The following FJX1 variants were observed in gnomAD, a reference collection of about 807,000 sequenced individuals.
FJX1 encodes four-jointed box kinase 1.
A neutral mutation model predicts 28.7 loss-of-function variants in FJX1; 21 were observed. That is an observed-to-expected ratio of 0.73 (90% CI 0.52 to 1.05). The LOEUF is 1.05. Ranked by LOEUF, FJX1 falls within the 50% of genes least tolerant of loss-of-function variation. The pLI, the probability that FJX1 is intolerant of heterozygous loss-of-function variation, is 0.00. For synonymous variants in FJX1, 363 were observed against 310.0 expected, an observed-to-expected ratio of 1.17 and a Z score of -1.80; for missense variants, 683 against 647.2, an observed-to-expected ratio of 1.06 and a Z score of -0.60.
Position 35,618,858 on chromosome 11 carries a change from C to A in FJX1, c.222C>A (p.Gly74=), listed in dbSNP as rs1590455410. The change falls in exon 1 of 1, where the codon GGC becomes GGA. Residue 74 remains glycine, a synonymous_variant. Transcript: ENST00000317811. The surrounding 1 kb of genome is among the most constrained non-coding windows in gnomAD (Gnocchi z 4.2). Reference sequence around the variant, plus strand: ...CGCCCCTGGCGTGGGACGCCCGCGGCGGCTCCCTGAAAACTTTCCGGGCGC... The same window carrying A: ...CGCCCCTGGCGTGGGACGCCCGCGGAGGCTCCCTGAAAACTTTCCGGGCGC... The part of the protein sequence containing the change: ...LPPPLAWDAR[G]GSLKTFRALL... 1.5e-6 allele frequency: 2 copies of A among 1,353,864 alleles called. No homozygotes were observed. The highest frequency in any genetic ancestry group is 1.9e-6 in the Non-Finnish European group (2 of 1,057,384). 83.9% of individuals were successfully genotyped at this position (1,353,864 alleles called of 1,614,324 possible).
rs1023992218 is a variant in FJX1, at chr11:35,619,026, G to C, written c.390G>C (p.Glu130Asp). The C allele has an allele frequency of 3.4e-6, 5 of 1,468,600 alleles. No individual in the cohort carries two copies. Among genetic ancestry groups the C allele is most frequent in the Non-Finnish European group, 4.5e-6 (5 of 1,121,724 alleles). The allele number at this position is 1,468,600 out of a possible 1,614,324, so 91.0% of individuals were successfully genotyped here. ...TCTTCTGGAGCCGCGGCCTGGAGGA[G>C]CAGGTGCCCCCGGGCTTTTCGGAGG... ...GGVFWSRGLE[E>D]QVPPGFSEAQ... Residue 130 changes from glutamate to aspartate, a missense_variant, in exon 1 of 1, where the codon GAG becomes GAC. Transcript: ENST00000317811. This position sits in a 1 kb window ranked among gnomAD's most constrained non-coding sequence, Gnocchi z 7.6.
In FJX1 at chr11:35,619,943, G is replaced by T; in HGVS notation, c.1307G>T (p.Gly436Val). The T allele has an allele frequency of 6.3e-7, 1 of 1,588,980 alleles. No individual in the cohort carries two copies. The highest frequency in any genetic ancestry group is 1.7e-4 in the Middle Eastern group (1 of 5,866). The change falls in exon 1 of 1, where the codon GGG (glycine) becomes GTG (valine). Residue 436 changes from glycine (G) to valine (V), a missense_variant. Physicochemically the swap from Gly to Val is moderately radical, Grantham distance 109. Coordinates refer to ENST00000317811, the MANE Select transcript of FJX1 (RefSeq NM_014344.4). This position sits in a 1 kb window ranked among gnomAD's most constrained non-coding sequence, Gnocchi z 7.6. ...AAGGCCAAGTACGGCCGCCGGTCTG[G>T]GACTTAGTGTCACCGGGAGGAAAAG... ...HCKAKYGRRS[G>V]T
Position 35,619,022 on chromosome 11 carries a change from A to G in FJX1, c.386A>G (p.Glu129Gly). ...HGGVFWSRGL[E>G]EQVPPGFSEA... is the part of the protein sequence containing the mutation. ...GGCGTCTTCTGGAGCCGCGGCCTGG[A>G]GGAGCAGGTGCCCCCGGGCTTTTCG... Residue 129 changes from glutamate to glycine, a missense_variant, in exon 1 of 1, where the codon GAG becomes GGG. By Grantham distance (98) the Glu-to-Gly change is moderately conservative (BLOSUM62 -2). Transcript: ENST00000317811. The surrounding 1 kb of genome is among the most constrained non-coding windows in gnomAD (Gnocchi z 7.6). 1 of 1,468,416 alleles carries G rather than the reference A, an allele frequency of 6.8e-7. No homozygotes were observed. Among genetic ancestry groups the G allele is most frequent in the Non-Finnish European group, 8.9e-7 (1 of 1,121,568 alleles). The allele number at this position is 1,468,416 out of a possible 1,614,324, so 91.0% of individuals were successfully genotyped here. A position where few individuals can be genotyped will look rare whatever the true frequency, so the allele number is the denominator to read the frequency against.
Position 35,619,225 on chromosome 11 carries a change from C to T in FJX1, c.589C>T (p.Leu197=), listed in dbSNP as rs776157019. 2.5e-6 allele frequency: 4 copies of T among 1,585,670 alleles called. No homozygotes were observed. Among genetic ancestry groups the T allele is most frequent in the East Asian group, 2.3e-5 (1 of 43,390 alleles). ...TCAGGGCGAGGCCCTGTCTTACTAT[C>T]TGGCGCGCCTGCTGGGCCTCCAGCG... is the stretch of plus-strand genomic sequence containing the variant. ...QIQGEALSYY[L]ARLLGLQRHV... Residue 197 remains leucine (L), a synonymous_variant, in exon 1 of 1, where the codon CTG becomes TTG. Coordinates refer to ENST00000317811, the MANE Select transcript of FJX1 (RefSeq NM_014344.4). This position sits in a 1 kb window ranked among gnomAD's most constrained non-coding sequence, Gnocchi z 7.6.
At position 35,620,079 on chromosome 11, in the gene FJX1, C is replaced by CT. The variant is rs1351868149; in HGVS notation, c.*133dup. 11 of 1,383,448 alleles carry CT rather than the reference C, an allele frequency of 8.0e-6. No individual in the cohort carries two copies. The East Asian group carries it at 2.8e-4, about 35-fold the overall frequency. The allele number at this position is 1,383,448 out of a possible 1,614,324, so 85.7% of individuals were successfully genotyped here. The stretch of plus-strand genomic sequence containing the variant: ...CCGCAAAGGTGTCTAAAAACTTCAG[C>CT]TTTTCACCCACCTGCCCCTTTCTTT... On this transcript the variant is annotated 3_prime_UTR_variant, in exon 1 of 1. Coordinates refer to ENST00000317811, the MANE Select transcript of FJX1 (RefSeq NM_014344.4).
rs1850847823 is a variant in FJX1, at chr11:35,618,482, G to T, written c.-155G>T. ...TCGAGTTCCCAGCGCCGGGCGGAGCGCCGGACAGAGCCCCGCAGCGCCCCG... is the reference window on the plus strand; with the variant it reads ...TCGAGTTCCCAGCGCCGGGCGGAGCTCCGGACAGAGCCCCGCAGCGCCCCG... On this transcript the variant is annotated 5_prime_UTR_variant, in exon 1 of 1. Coordinates refer to ENST00000317811, the MANE Select transcript of FJX1 (RefSeq NM_014344.4). The surrounding 1 kb of genome is among the most constrained non-coding windows in gnomAD (Gnocchi z 4.2). The T allele has an allele frequency of 3.0e-6, 2 of 669,842 alleles. No homozygotes were observed. Among genetic ancestry groups the T allele is most frequent in the Non-Finnish European group, 3.8e-6 (2 of 527,098 alleles). The allele number at this position is 669,842 out of a possible 1,614,324, so 41.5% of individuals were successfully genotyped here. A position where few individuals can be genotyped will look rare whatever the true frequency, so the allele number is the denominator to read the frequency against.
chr11:35,618,904 G>A lies in FJX1; in HGVS notation c.268G>A (p.Ala90Thr). The change falls in exon 1 of 1, where the codon GCG becomes ACG. Residue 90 changes from alanine to threonine, a missense_variant. Physicochemically the swap from Ala to Thr is moderately conservative, Grantham distance 58. Transcript: ENST00000317811. This position sits in a 1 kb window ranked among gnomAD's most constrained non-coding sequence, Gnocchi z 4.2. Reference sequence around the variant, plus strand: ...GGCGCTGCTCACCCTGGCGGCCGGCGCGGACGGCCCGCCCCGGCAGTCCCG... The same window carrying A: ...GGCGCTGCTCACCCTGGCGGCCGGCACGGACGGCCCGCCCCGGCAGTCCCG... ...FRALLTLAAGADGPPRQSRSE... is the reference protein window; with the variant it reads ...FRALLTLAAGTDGPPRQSRSE... 1.4e-6 allele frequency: 2 copies of A among 1,397,422 alleles called. No individual in the cohort carries two copies. The highest frequency in any genetic ancestry group is 1.6e-5 in the South Asian group (1 of 64,136). 86.6% of individuals were successfully genotyped at this position (1,397,422 alleles called of 1,614,324 possible).
In FJX1 at chr11:35,619,119, C is replaced by T; in HGVS notation, c.483C>T (p.Cys161=). The T allele has an allele frequency of 1.3e-6, 2 of 1,537,424 alleles. No homozygotes were observed. The highest frequency in any genetic ancestry group is 2.0e-5 in the Admixed American group (1 of 50,612). Residue 161 remains cysteine (C), a synonymous_variant, in exon 1 of 1, where the codon TGC becomes TGT. Transcript: ENST00000317811. This position sits in a 1 kb window ranked among gnomAD's most constrained non-coding sequence, Gnocchi z 7.6. ...TGGTGGCCCTGGAGCGCGGGGGTTGCGGGCGCAGCTCCAACCGACTGGCCC... is the reference window on the plus strand; with the variant it reads ...TGGTGGCCCTGGAGCGCGGGGGTTGTGGGCGCAGCTCCAACCGACTGGCCC... ...ARMVALERGG[C]GRSSNRLARF...
In FJX1 at chr11:35,618,703, C is replaced by A; in HGVS notation, c.67C>A (p.Leu23Met). The stretch of plus-strand genomic sequence containing the variant: ...CTGGCTGCTGGCGCTGGGCTCGCTG[C>A]TGGCGCTGTGGGGAGGGCTCCTGCC... ...GLWLLALGSL[L>M]ALWGGLLPPR... Residue 23 changes from leucine to methionine, a missense_variant, in exon 1 of 1, where the codon CTG becomes ATG. Leu to Met is a conservative substitution (Grantham distance 15). Coordinates refer to ENST00000317811, the MANE Select transcript of FJX1 (RefSeq NM_014344.4). This position sits in a 1 kb window ranked among gnomAD's most constrained non-coding sequence, Gnocchi z 4.2. The A allele has an allele frequency of 8.0e-7, 1 of 1,257,374 alleles. No homozygotes were observed. Among genetic ancestry groups the A allele is most frequent in the Non-Finnish European group, 1.0e-6 (1 of 991,958 alleles). The allele number at this position is 1,257,374 out of a possible 1,614,324, so 77.9% of individuals were successfully genotyped here. A position where few individuals can be genotyped will look rare whatever the true frequency, so the allele number is the denominator to read the frequency against.
In FJX1 at chr11:35,620,006, A is replaced by G. The variant is rs1266084304; in HGVS notation, c.*56A>G. ...GGCTGGGGTATGGATGATGGGGGGA[A>G]GGGCGGTCGCCTCTGCCACTGTCAG... On this transcript the variant is annotated 3_prime_UTR_variant, in exon 1 of 1. Coordinates refer to ENST00000317811, the MANE Select transcript of FJX1 (RefSeq NM_014344.4). 7.7e-6 allele frequency: 12 copies of G among 1,549,158 alleles called. No homozygotes were observed. The highest frequency in any genetic ancestry group is 2.7e-5 in the African/African-American group (2 of 72,906).
Position 35,618,729 on chromosome 11 carries a change from G to A in FJX1, c.93G>A (p.Pro31=). ...SLLALWGGLL[P]PRTELPASRP... is the part of the protein sequence containing the mutation. ...TGGCGCTGTGGGGAGGGCTCCTGCC[G>A]CCGCGGACCGAGCTGCCCGCCTCCC... The change falls in exon 1 of 1, where the codon CCG becomes CCA. Residue 31 remains proline (P), a synonymous_variant. Transcript: ENST00000317811. This position sits in a 1 kb window ranked among gnomAD's most constrained non-coding sequence, Gnocchi z 4.2. 2 of 1,255,280 alleles carry A rather than the reference G, an allele frequency of 1.6e-6. No homozygotes were observed. The highest frequency in any genetic ancestry group is 2.0e-6 in the Non-Finnish European group (2 of 985,992). The allele number at this position is 1,255,280 out of a possible 1,614,324, so 77.8% of individuals were successfully genotyped here.
Position 35,619,756 on chromosome 11 carries a change from C to G in FJX1, c.1120C>G (p.Arg374Gly). The G allele has an allele frequency of 6.4e-7, 1 of 1,557,660 alleles. No homozygotes were observed. The highest frequency in any genetic ancestry group is 8.7e-7 in the Non-Finnish European group (1 of 1,152,222). The stretch of plus-strand genomic sequence containing the variant: ...CGTGTTCCGCGAGCGGACCGCGCGG[C>G]GCGTCCTGGAGCTGCACCGCGGACA... ...VCVFRERTAR[R>G]VLELHRGQDA... Residue 374 changes from arginine to glycine, a missense_variant, in exon 1 of 1, where the codon CGC (arginine) becomes GGC (glycine). Transcript: ENST00000317811. The surrounding 1 kb of genome is among the most constrained non-coding windows in gnomAD (Gnocchi z 7.6).
In FJX1 at chr11:35,620,503, C is replaced by T. The variant is rs1850887561; in HGVS notation, c.*553C>T. 1.6e-5 allele frequency: 3 copies of T among 192,810 alleles called. No homozygotes were observed. The highest frequency in any genetic ancestry group is 1.2e-5 in the Non-Finnish European group (1 of 86,522). 11.9% of individuals were successfully genotyped at this position (192,810 alleles called of 1,614,324 possible). A position where few individuals can be genotyped will look rare whatever the true frequency, so the allele number is the denominator to read the frequency against. ...AGCAGGGGGACGGCTCGCGATAGGA[C>T]AAAGAGAGCAGGACCTCCAGACTCT... On this transcript the variant is annotated 3_prime_UTR_variant, in exon 1 of 1. Coordinates refer to ENST00000317811, the MANE Select transcript of FJX1 (RefSeq NM_014344.4).
chr11:35,618,635 G>C lies in FJX1; in HGVS notation c.-2G>C, dbSNP rs776812852. On this transcript the variant is annotated 5_prime_UTR_variant, in exon 1 of 1. Coordinates refer to ENST00000317811, the MANE Select transcript of FJX1 (RefSeq NM_014344.4). This position sits in a 1 kb window ranked among gnomAD's most constrained non-coding sequence, Gnocchi z 4.2. The stretch of plus-strand genomic sequence containing the variant: ...GCGGCGCACCGGCACAGCCGCGGGA[G>C]CATGGGCAGGAGGATGCGGGGCGCC... 5.7e-5 allele frequency: 67 copies of C among 1,172,428 alleles called. No individual in the cohort carries two copies. The South Asian group carries it at 1.2e-3, about 21-fold the overall frequency. 72.6% of individuals were successfully genotyped at this position (1,172,428 alleles called of 1,614,324 possible).
Position 35,619,329 on chromosome 11 carries a change from T to C in FJX1, c.693T>C (p.Ala231=). 1.3e-6 allele frequency: 2 copies of C among 1,566,062 alleles called. No homozygotes were observed. Among genetic ancestry groups the C allele is most frequent in the Non-Finnish European group, 8.6e-7 (1 of 1,164,280 alleles). ...QWAQVQEELR[A]AHWTEGSVVS... ...CGCAGGTGCAGGAGGAGCTGCGCGC[T>C]GCGCACTGGACCGAGGGCAGCGTGG... The change falls in exon 1 of 1, where the codon GCT becomes GCC. Residue 231 remains alanine (A), a synonymous_variant. Transcript: ENST00000317811. This position sits in a 1 kb window ranked among gnomAD's most constrained non-coding sequence, Gnocchi z 7.6.
chr11:35,619,725 A>C lies in FJX1; in HGVS notation c.1089A>C (p.Ser363=), dbSNP rs760916455. The C allele has an allele frequency of 6.3e-7, 1 of 1,585,108 alleles. No homozygotes were observed. Among genetic ancestry groups the C allele is most frequent in the African/African-American group, 1.3e-5 (1 of 74,456 alleles). ...AGTATAACGAGCCGCTGTTGCAGTC[A>C]GTGTGCGTGTTCCGCGAGCGGACCG... ...WDKYNEPLLQ[S]VCVFRERTAR... Residue 363 remains serine (S), a synonymous_variant, in exon 1 of 1, where the codon TCA becomes TCC. Coordinates refer to ENST00000317811, the MANE Select transcript of FJX1 (RefSeq NM_014344.4). This position sits in a 1 kb window ranked among gnomAD's most constrained non-coding sequence, Gnocchi z 7.6.
At position 35,618,799 on chromosome 11, in the gene FJX1, G is replaced by T; in HGVS notation, c.163G>T (p.Gly55Cys). The T allele has an allele frequency of 8.0e-7, 1 of 1,252,576 alleles. No individual in the cohort carries two copies. The highest frequency in any genetic ancestry group is 2.9e-5 in the South Asian group (1 of 34,780). The allele number at this position is 1,252,576 out of a possible 1,614,324, so 77.6% of individuals were successfully genotyped here. A position where few individuals can be genotyped will look rare whatever the true frequency, so the allele number is the denominator to read the frequency against. The change falls in exon 1 of 1, where the codon GGC becomes TGC. Residue 55 changes from glycine (G) to cysteine (C), a missense_variant. Physicochemically the swap from Gly to Cys is radical, Grantham distance 159. Coordinates refer to ENST00000317811, the MANE Select transcript of FJX1 (RefSeq NM_014344.4). This position sits in a 1 kb window ranked among gnomAD's most constrained non-coding sequence, Gnocchi z 4.2. ...RLPRRPARSGGPAPAPRFPLP... is the reference protein window; with the variant it reads ...RLPRRPARSGCPAPAPRFPLP... ...CCCACGGCGCCCGGCCCGGAGCGGC[G>T]GCCCCGCGCCCGCGCCTCGCTTCCC...
Position 35,618,796 on chromosome 11 carries a change from G to C in FJX1, c.160G>C (p.Gly54Arg), listed in dbSNP as rs561606752. ...ACTCCCACGGCGCCCGGCCCGGAGC[G>C]GCGGCCCCGCGCCCGCGCCTCGCTT... is the stretch of plus-strand genomic sequence containing the variant. ...DRLPRRPARSGGPAPAPRFPL... is the reference protein window; with the variant it reads ...DRLPRRPARSRGPAPAPRFPL... Residue 54 changes from glycine to arginine, a missense_variant, in exon 1 of 1, where the codon GGC becomes CGC. Physicochemically the swap from Gly to Arg is moderately radical, Grantham distance 125. Transcript: ENST00000317811. This position sits in a 1 kb window ranked among gnomAD's most constrained non-coding sequence, Gnocchi z 4.2. 8 of 1,248,838 alleles carry C rather than the reference G, an allele frequency of 6.4e-6. No individual in the cohort carries two copies. The highest frequency in any genetic ancestry group is 8.0e-6 in the Non-Finnish European group (8 of 998,078). 77.4% of individuals were successfully genotyped at this position (1,248,838 alleles called of 1,614,324 possible). A position where few individuals can be genotyped will look rare whatever the true frequency, so the allele number is the denominator to read the frequency against.
chr11:35,620,855 T>C lies in FJX1; in HGVS notation c.*905T>C, dbSNP rs1850893100. The C allele has an allele frequency of 6.0e-6, 1 of 167,048 alleles. No individual in the cohort carries two copies. The highest frequency in any genetic ancestry group is 2.4e-5 in the African/African-American group (1 of 41,432). The allele number at this position is 167,048 out of a possible 1,614,324, so 10.3% of individuals were successfully genotyped here. A position where few individuals can be genotyped will look rare whatever the true frequency, so the allele number is the denominator to read the frequency against. ...AAACTTATATTTCAATAAAAGGGAGTTTAAAATTTATAATTTAATTCCTGT... is the reference window on the plus strand; with the variant it reads ...AAACTTATATTTCAATAAAAGGGAGCTTAAAATTTATAATTTAATTCCTGT... On this transcript the variant is annotated 3_prime_UTR_variant, in exon 1 of 1. Coordinates refer to ENST00000317811, the MANE Select transcript of FJX1 (RefSeq NM_014344.4).
Sources: allele counts gnomAD v4.1 joint callset, GRCh38; gene constraint gnomAD v4.1.1; non-coding constraint Gnocchi (gnomAD v3.1); transcripts MANE v1.5; gene names NCBI Gene and HGNC (gene_info 2026-07-23, HGNC 2026-07-21).